The following FLI1 variants were observed in gnomAD, a reference collection of about 807,000 sequenced individuals.
FLI1 encodes Friend leukemia integration 1 transcription factor.
A neutral mutation model predicts 53.1 loss-of-function variants in FLI1; 13 were observed. That is an observed-to-expected ratio of 0.24 (90% CI 0.16 to 0.39). The LOEUF (loss-of-function observed/expected upper bound fraction) is 0.39. Ranked by LOEUF, FLI1 falls within the 10% of genes least tolerant of loss-of-function variation. The pLI, the probability that FLI1 is intolerant of heterozygous loss-of-function variation, is 1.00. For missense variants in FLI1, 424 were observed against 600.5 expected, an observed-to-expected ratio of 0.71 and a Z score of 3.07; for synonymous variants, 244 against 236.7, an observed-to-expected ratio of 1.03 and a Z score of -0.28.
chr11:128,759,604 G>C (rs894564589), intron 2 of FLI1, among the ~76,000 whole-genome samples: 1 of 152,230 alleles, frequency 6.6e-6, no homozygotes, highest in African/African-American at 2.4e-5. Flanking sequence ...AATGAAGGGG[G>C]TGCATGACAG....
At chr11:128,718,015 G>A (rs1240346875) in intron 1 of FLI1, among the ~76,000 whole-genome samples, 1 of 152,202 alleles carries the variant, frequency 6.6e-6, no homozygotes, top group East Asian at 1.9e-4. Context: ...TCCCTTGGGG[G>A]CCTCTGAGCC....
At chr11:128,805,740 A>G (rs1942764758) in intron 6 of FLI1, 1 of 277,710 alleles carries the variant, frequency 3.6e-6, no homozygotes, top group Non-Finnish European at 6.7e-6. Context: ...TGCTTTTGTT[A>G]TTTAAATCAA....
intron 1 of FLI1, among the ~76,000 whole-genome samples, chr11:128,709,294 T>C (rs888559729): frequency 6.6e-6 from 1 of 152,242 alleles, no homozygotes; most frequent in Non-Finnish European, 1.5e-5. Context: ...CTAGTTGTTA[T>C]TATCTTAGTT....
intron 1 of FLI1, among the ~76,000 whole-genome samples, chr11:128,750,798 C>T (rs1168520835): frequency 2.0e-5 from 3 of 152,178 alleles, no homozygotes; most frequent in African/African-American, 7.2e-5. Context: ...GTAAGTATAA[C>T]AAGAAAAGAT....
rs1460709760 is a variant in FLI1 at position 128,811,921 on chromosome 11, G to A, written c.*933G>A. On this transcript the variant is annotated 3_prime_UTR_variant, in exon 9 of 9. Coordinates refer to ENST00000527786, the MANE Select transcript of FLI1 (RefSeq NM_002017.5). Reference sequence around the variant, plus strand: ...AGAATAAATAAACGAGTTGACCTCGGTCACAAAAGCAGTTTTACTATCGAA... The same window carrying A: ...AGAATAAATAAACGAGTTGACCTCGATCACAAAAGCAGTTTTACTATCGAA... 5.0e-6 allele frequency: 1 copy of A among 199,554 alleles called. No individual in the cohort carries two copies. Among genetic ancestry groups the A allele is most frequent in the Non-Finnish European group, 1.0e-5 (1 of 96,636 alleles). 12.4% of individuals were successfully genotyped at this position (199,554 alleles called of 1,614,324 possible).
chr11:128,712,854 C>G (rs1410562600), intron 1 of FLI1, among the ~76,000 whole-genome samples: 2 of 152,200 alleles, frequency 1.3e-5, no homozygotes, highest in Non-Finnish European at 2.9e-5. Context: ...AGCAATTTCT[C>G]TCTACCCTTC....
intron 1 of FLI1, among the ~76,000 whole-genome samples, chr11:128,736,436 C>G (rs1939921391): frequency 6.6e-6 from 1 of 152,204 alleles, no homozygotes; most frequent in African/African-American, 2.4e-5. Context: ...GCTTGTCATA[C>G]TTGAAATTCT....
rs529395604 is a variant in FLI1, at chr11:128,772,487, T to C, written c.386-295T>C. ...CTGTGAAATTGTGTTTATTTTCATT[T>C]TGATGCCACCATTTCTCAGGCAAAG... On this transcript the variant is annotated intron_variant, in intron 3 of 8. Transcript: ENST00000527786. Among the ~76,000 whole-genome samples, 12 of 152,362 alleles carry C rather than the reference T, an allele frequency of 7.9e-5. No homozygotes were observed. In the South Asian group the frequency reaches 2.5e-3, roughly 32 times the overall value.
chr11:128,751,620 G>A (rs1454648735), intron 1 of FLI1, among the ~76,000 whole-genome samples: 22 of 151,594 alleles, frequency 1.5e-4, no homozygotes, highest in Non-Finnish European at 2.5e-4. Flanking sequence ...TCTGCCTCCC[G>A]GGTTCACGCC....
Position 128,799,034 on chromosome 11 carries a change from A to AT in FLI1, c.656-6330dup, listed in dbSNP as rs1215901447. 7.0e-4 allele frequency among the ~76,000 whole-genome samples: 92 copies of AT among 131,774 alleles called. 1 individual carries two copies. Among genetic ancestry groups the AT allele is most frequent in the African/African-American group, 2.0e-3 (73 of 35,792 alleles). 86.4% of individuals were successfully genotyped at this position (131,774 alleles called of 152,430 possible). A position where few individuals can be genotyped will look rare whatever the true frequency, so the allele number is the denominator to read the frequency against. ...TTTATTTTATTATATTATTATTATT[A>AT]TTATTATTATTATTATTATTTTGCT... On this transcript the variant is annotated intron_variant, in intron 5 of 8. Transcript: ENST00000527786.
chr11:128,749,110 T>C (rs1293527063), intron 1 of FLI1, among the ~76,000 whole-genome samples: 1 of 152,172 alleles, frequency 6.6e-6, no homozygotes, highest in African/African-American at 2.4e-5. Context: ...CTAGAAGGGT[T>C]ATGCTTTGTG....
chr11:128,799,865 C>T (rs903552000), intron 5 of FLI1, among the ~76,000 whole-genome samples: 1 of 152,102 alleles, frequency 6.6e-6, no homozygotes, highest in African/African-American at 2.4e-5. Flanking sequence ...GCTGCTCCTC[C>T]CCAAAGACTG....
intron 1 of FLI1, among the ~76,000 whole-genome samples, chr11:128,706,525 A>G (rs951114066): frequency 6.6e-6 from 1 of 152,228 alleles, no homozygotes; most frequent in Non-Finnish European, 1.5e-5. Context: ...GAAAGAGGCC[A>G]TTGACGGAGA....
At chr11:128,782,646 C>T (rs1046119424) in intron 5 of FLI1, among the ~76,000 whole-genome samples, 2 of 152,114 alleles carry the variant, frequency 1.3e-5, no homozygotes, top group African/African-American at 2.4e-5. Flanking sequence ...TGCAATGAGC[C>T]GAGTTCGCGC....
intron 1 of FLI1, chr11:128,686,754 C>T (rs1055381730): frequency 1.6e-5 from 5 of 304,904 alleles, no homozygotes; most frequent in Non-Finnish European, 3.3e-5. Flanking sequence ...TTCTACCCCA[C>T]CCGGGCCTAT....
intron 2 of FLI1, among the ~76,000 whole-genome samples, chr11:128,762,333 G>C (rs964255125): frequency 2.6e-5 from 4 of 152,204 alleles, no homozygotes; most frequent in Admixed American, 6.5e-5. Flanking sequence ...CTTCAGATGA[G>C]AAAACCAAGG....
chr11:128,688,722 T>A (rs987397938), intron 1 of FLI1, among the ~76,000 whole-genome samples: 2 of 149,518 alleles, frequency 1.3e-5, no homozygotes, highest in African/African-American at 4.9e-5. Context: ...GCGCTTTAGG[T>A]AGGAAAGGGG....
intron 5 of FLI1, among the ~76,000 whole-genome samples, chr11:128,793,482 C>T (rs1352945400): frequency 6.6e-6 from 1 of 152,138 alleles, no homozygotes; most frequent in Non-Finnish European, 1.5e-5. Flanking sequence ...CCACCCCTGC[C>T]CTGCCCCAGT....
upstream of FLI1, chr11:128,686,488 G>C (rs1217830365): frequency 2.2e-6 from 1 of 455,730 alleles, no homozygotes; most frequent in Non-Finnish European, 4.4e-6. Flanking sequence ...CCAACCACTC[G>C]GACCCTCCCT....
Sources: allele counts gnomAD v4.1 joint callset (sites outside exome capture counted in the v4.1 genomes callset), GRCh38; gene constraint gnomAD v4.1.1; transcripts MANE v1.5; gene names NCBI Gene and HGNC (gene_info 2026-07-23, HGNC 2026-07-21).